Variants in SGCZ observed in about 807,000 individuals in gnomAD.
The protein encoded by SGCZ is zeta-sarcoglycan.
SGCZ carries 40 observed loss-of-function variants against 41.3 expected under a neutral mutation model. That is an observed-to-expected ratio of 0.97 (90% CI 0.75 to 1.26). The LOEUF (loss-of-function observed/expected upper bound fraction) is 1.26. Ranked by LOEUF, SGCZ falls within the 50% of genes most tolerant of loss-of-function variation. The pLI is 0.00. For missense variants in SGCZ, 552 were observed against 369.8 expected (o/e 1.49, Z -4.04); for synonymous variants, 206 against 137.5 (o/e 1.50, Z -3.49).
At chr8:14,585,513 A>G (rs1012994629) in intron 1 of SGCZ, among the ~76,000 whole-genome samples, 2 of 152,162 alleles carry the variant, frequency 1.3e-5, no homozygotes, top group African/African-American at 4.8e-5. Flanking sequence ...CAAAGGTTGC[A>G]ATATTCCTAA....
At chr8:14,637,170 T>C (rs1388947817) in intron 1 of SGCZ, among the ~76,000 whole-genome samples, 2 of 151,798 alleles carry the variant, frequency 1.3e-5, no homozygotes, top group Non-Finnish European at 2.9e-5. Context: ...GGAGTCCAAA[T>C]CTTACATCAC....
intron 1 of SGCZ, among the ~76,000 whole-genome samples, chr8:14,564,799 G>A (rs1261758357): frequency 6.6e-6 from 1 of 152,114 alleles, no homozygotes; most frequent in Non-Finnish European, 1.5e-5. Context: ...TCTCTAAACA[G>A]CTACTAATGT....
intron 5 of SGCZ, among the ~76,000 whole-genome samples, chr8:14,163,838 A>G (rs1001680917): frequency 6.6e-6 from 1 of 152,200 alleles, no homozygotes; most frequent in East Asian, 1.9e-4. Context: ...GGGAAACATG[A>G]AGTCAAATAT....
intron 3 of SGCZ, among the ~76,000 whole-genome samples, chr8:14,309,903 C>G (rs367573985): frequency 6.6e-5 from 10 of 151,580 alleles, no homozygotes; most frequent in African/African-American, 2.2e-4. Flanking sequence ...AAAGAATATA[C>G]AGTACACATC....
At chr8:14,127,253 T>G (rs1802890208) in intron 5 of SGCZ, among the ~76,000 whole-genome samples, 1 of 152,284 alleles carries the variant, frequency 6.6e-6, no homozygotes, top group South Asian at 2.1e-4. Context: ...CACTGATAGC[T>G]GTGTGTATTT....
At chr8:14,558,279 A>G (rs996857093) in intron 1 of SGCZ, among the ~76,000 whole-genome samples, 1 of 152,096 alleles carries the variant, frequency 6.6e-6, no homozygotes, top group Non-Finnish European at 1.5e-5. Flanking sequence ...ATTCCAAAAG[A>G]TAGAGTAAGA....
intron 1 of SGCZ, among the ~76,000 whole-genome samples, chr8:15,063,864 T>C (rs1328329404): frequency 6.6e-6 from 1 of 152,194 alleles, no homozygotes; most frequent in African/African-American, 2.4e-5. Context: ...CACTGCTTCA[T>C]TTTTCTTAGG....
At chr8:14,711,865 C>G (rs149307482) in intron 1 of SGCZ, among the ~76,000 whole-genome samples, 1 of 152,072 alleles carries the variant, frequency 6.6e-6, no homozygotes, top group Non-Finnish European at 1.5e-5. Context: ...TTTGGTTTTT[C>G]GCTTAATTGA....
intron 1 of SGCZ, among the ~76,000 whole-genome samples, chr8:14,778,451 A>G (rs954446840): frequency 1.3e-5 from 2 of 152,206 alleles, no homozygotes; most frequent in African/African-American, 4.8e-5. Flanking sequence ...AGTTTTCATC[A>G]GATGCTCAGA....
At chr8:14,658,131 C>T (rs567773752) in intron 1 of SGCZ, among the ~76,000 whole-genome samples, 6 of 152,300 alleles carry the variant, frequency 3.9e-5, no homozygotes, top group African/African-American at 7.2e-5. Flanking sequence ...TCTTGCCCCA[C>T]GCTCCTCCTC....
At chr8:14,415,079 T>TAA (rs1799459315) in intron 2 of SGCZ, among the ~76,000 whole-genome samples, 1 of 151,864 alleles carries the variant, frequency 6.6e-6, no homozygotes, top group African/African-American at 2.4e-5. Context: ...GGGAGAGTGT[T>TAA]TTTACAATCC....
intron 1 of SGCZ, among the ~76,000 whole-genome samples, chr8:15,109,734 G>A (rs1806974045): frequency 6.6e-6 from 1 of 152,108 alleles, no homozygotes; most frequent in African/African-American, 2.4e-5. Flanking sequence ...TAATATATGT[G>A]AGACACTAAG....
chr8:14,395,139 C>G (rs1798875044), intron 2 of SGCZ, among the ~76,000 whole-genome samples: 1 of 152,136 alleles, frequency 6.6e-6, no homozygotes, highest in Admixed American at 6.6e-5. Context: ...TTATTCTGTT[C>G]TTAGCTTTTC....
chr8:14,202,540 A>T (rs1232907107), intron 4 of SGCZ, among the ~76,000 whole-genome samples: 1 of 152,158 alleles, frequency 6.6e-6, no homozygotes, highest in Non-Finnish European at 1.5e-5. Context: ...AATTTTTTTT[A>T]ATACCCTACA....
rs760620300 is a variant in SGCZ, at chr8:14,760,485, A to C, written c.40-205559T>G. ...ATTCGTTTGTCTGCCTTAATAAACCAATATATTGGAATTTAAATATTACTT... is the reference window on the plus strand; with the variant it reads ...ATTCGTTTGTCTGCCTTAATAAACCCATATATTGGAATTTAAATATTACTT... On this transcript the variant is annotated intron_variant, in intron 1 of 7. Coordinates refer to ENST00000382080, the MANE Select transcript of SGCZ (RefSeq NM_139167.4). Among the ~76,000 whole-genome samples the C allele has an allele frequency of 2.6e-5, 4 of 152,310 alleles. No individual in the cohort carries two copies. The Middle Eastern group carries it at 0.01, about 389-fold the overall frequency.
intron 1 of SGCZ, among the ~76,000 whole-genome samples, chr8:14,595,400 A>AACACACACACACACAC (rs34287378): frequency 7.3e-5 from 10 of 136,316 alleles, no homozygotes; most frequent in African/African-American, 2.0e-4. Flanking sequence ...AACATGCACA[A>AACACACACACACACAC]ACACACACAC....
At chr8:14,685,655 GTAT>G (rs1200529277) in intron 1 of SGCZ, among the ~76,000 whole-genome samples, 6 of 151,934 alleles carry the variant, frequency 3.9e-5, no homozygotes, top group Admixed American at 2.6e-4. Context: ...AATATTTACA[GTAT>G]TATTCATTTC....
At position 14,090,524 on chromosome 8, in the gene SGCZ, G is replaced by A. The variant is rs1801655561; in HGVS notation, c.858C>T (p.Cys286=). 2 of 1,612,958 alleles carry A rather than the reference G, an allele frequency of 1.2e-6. No homozygotes were observed. The highest frequency in any genetic ancestry group is 8.5e-7 in the Non-Finnish European group (1 of 1,179,412). ...GAGAAAGGTAAAGTTTGCCATTGGG[G>A]CAGACGCAGAGTTCATACACTGTCT... is the stretch of plus-strand genomic sequence containing the variant. The part of the protein sequence containing the change: ...SRQTVYELCV[C]PNGKLYLSPA... The change falls in exon 8 of 8, where the codon TGC becomes TGT. Residue 286 remains cysteine (C), a synonymous_variant. Coordinates refer to ENST00000382080, the MANE Select transcript of SGCZ (RefSeq NM_139167.4).
chr8:15,103,854 G>T (rs1160273542), intron 1 of SGCZ, among the ~76,000 whole-genome samples: 1 of 152,012 alleles, frequency 6.6e-6, no homozygotes, highest in Non-Finnish European at 1.5e-5. Flanking sequence ...AATCTAATTG[G>T]GCATGCAAAG....
Sources: allele counts gnomAD v4.1 joint callset (sites outside exome capture counted in the v4.1 genomes callset), GRCh38; gene constraint gnomAD v4.1.1; transcripts MANE v1.5; gene names NCBI Gene and HGNC (gene_info 2026-07-23, HGNC 2026-07-21).